TCEA2: variants seen among roughly 807,000 people sequenced by gnomAD.
TCEA2 encodes transcription elongation factor A2.
Under a neutral mutation model 40.8 loss-of-function variants are expected in TCEA2, and 21 were observed. That is an observed-to-expected ratio of 0.51 (90% CI 0.36 to 0.74). TCEA2 has a LOEUF of 0.74. TCEA2 is among the 30% of genes least tolerant of loss of function. The pLI, the probability that TCEA2 is intolerant of heterozygous loss-of-function variation, is 0.00. For synonymous variants in TCEA2, 165 were observed against 162.7 expected, an observed-to-expected ratio of 1.01 and a Z score of -0.11; for missense variants, 326 against 426.5, an observed-to-expected ratio of 0.76 and a Z score of 2.08.
chr20:64,062,028 CTAAGA>C (rs1206335337), upstream of TCEA2, among the ~76,000 whole-genome samples: 3 of 152,244 alleles, frequency 2.0e-5, no homozygotes, highest in African/African-American at 7.2e-5. Context: ...TATTGCCCGG[CTAAGA>C]TGAGTCTCTT....
chr20:64,056,007 AGGCTGGCG>A (rs1454360847), upstream of TCEA2, among the ~76,000 whole-genome samples: 1 of 152,026 alleles, frequency 6.6e-6, no homozygotes, highest in Non-Finnish European at 1.5e-5. Flanking sequence ...AGTGGCCGCC[AGGCTGGCG>A]GGCTGGCAGG....
chr20:64,065,315 C>T (rs540954500), intron 1 of TCEA2, among the ~76,000 whole-genome samples: 2 of 152,258 alleles, frequency 1.3e-5, no homozygotes, highest in East Asian at 3.9e-4. Context: ...ACTATGCCAC[C>T]CGGATTGCTG....
At position 64,070,028 on chromosome 20, in the gene TCEA2, G is replaced by C. The variant is rs527829065; in HGVS notation, c.517+207G>C. On this transcript the variant is annotated intron_variant, in intron 6 of 9. Coordinates refer to ENST00000343484, the MANE Select transcript of TCEA2 (RefSeq NM_003195.6). The stretch of plus-strand genomic sequence containing the variant: ...AGGGCTGATTCTGTCTGCTTGTGGG[G>C]CCTAGGTCCCCTGGGGCTGTAGCCT... 64 of 876,100 alleles carry C rather than the reference G, an allele frequency of 7.3e-5. No individual in the cohort carries two copies. The East Asian group carries it at 1.6e-3, about 21-fold the overall frequency. The allele number at this position is 876,100 out of a possible 1,614,324, so 54.3% of individuals were successfully genotyped here.
At chr20:64,059,147 C>T (rs373859400), upstream of TCEA2, among the ~76,000 whole-genome samples, 17 of 143,394 alleles carry the variant, frequency 1.2e-4, no homozygotes, top group South Asian at 2.2e-3. Flanking sequence ...GAGCCAAGAT[C>T]GTGCCACTGC....
At chr20:64,066,392 G>T in intron 1 of TCEA2, 84 bp from the exon 2 acceptor site, 1 of 1,509,890 alleles carries the variant, frequency 6.6e-7, no homozygotes, top group Non-Finnish European at 9.2e-7. Context: ...TCACTGCCTT[G>T]TGTTCTCCTC....
chr20:64,066,915 T>G lies in TCEA2; in HGVS notation c.136T>G (p.Ser46Ala). ...AMPITLHLLQSTRVGMSVNAL... is the reference protein window; with the variant it reads ...AMPITLHLLQATRVGMSVNAL... ...CCAACCCAGACCACTTGCCTCGTAG[T>G]CCACCCGAGTCGGGATGTCTGTCAA... The change falls in exon 3 of 10, where the codon TCC (serine) becomes GCC (alanine). Residue 46 changes from serine (S) to alanine (A), a missense_variant and splice_region_variant. Physicochemically the swap from Ser to Ala is moderately conservative, Grantham distance 99. Transcript: ENST00000343484. The G allele has an allele frequency of 6.2e-7, 1 of 1,613,776 alleles. No homozygotes were observed. Among genetic ancestry groups the G allele is most frequent in the Non-Finnish European group, 8.5e-7 (1 of 1,179,852 alleles).
rs761753174 is a variant in TCEA2 at position 64,066,496 on chromosome 20, G to A, written c.93G>A (p.Leu31=). The A allele has an allele frequency of 6.2e-7, 1 of 1,613,758 alleles. No homozygotes were observed. Among genetic ancestry groups the A allele is most frequent in the African/African-American group, 1.3e-5 (1 of 74,924 alleles). Residue 31 remains leucine (L), a synonymous_variant, in exon 2 of 10, where the codon CTG becomes CTA. Transcript: ENST00000343484. ...KKSAEGAMDL[L]RELKAMPITL... is the part of the protein sequence containing the mutation. ...TCCAGGAGGGAGCCATGGATTTGCT[G>A]CGGGAGCTGAAGGCCATGCCTATCA...
chr20:64,069,847 C>G, intron 6 of TCEA2, 26 bp downstream of exon 6: 1 of 1,610,968 alleles, frequency 6.2e-7, no homozygotes, highest in Admixed American at 1.7e-5. Flanking sequence ...GGGCTGTGGG[C>G]CTGGGTTTCT....
At position 64,069,412 on chromosome 20, in the gene TCEA2, A is replaced by G. The variant is rs746046023; in HGVS notation, c.381A>G (p.Thr127=). Residue 127 remains threonine, a synonymous_variant, in exon 5 of 10, where the codon ACA becomes ACG. Coordinates refer to ENST00000343484, the MANE Select transcript of TCEA2 (RefSeq NM_003195.6). ...PRAPSTPRIT[T]FPPVPVTCDA... ...CACCGTCGACTCCGAGGATCACCAC[A>G]TTTCCTCCGGTGCCTGTCACCTGTG... 12 of 1,612,438 alleles carry G rather than the reference A, an allele frequency of 7.4e-6. No homozygotes were observed. Among genetic ancestry groups the G allele is most frequent in the Non-Finnish European group, 9.3e-6 (11 of 1,179,600 alleles).
At position 64,071,957 on chromosome 20, in the gene TCEA2, C is replaced by T. The variant is rs2145522495; in HGVS notation, c.891+16C>T. 3.1e-6 allele frequency: 5 copies of T among 1,613,910 alleles called. No homozygotes were observed. Among genetic ancestry groups the T allele is most frequent in the Non-Finnish European group, 4.2e-6 (5 of 1,179,928 alleles). ...CCGCTGGAAGGTGGGTGAGCAGGCTCAGGCTGCCCCTCCCAGCTCCATTCT... is the reference window on the plus strand; with the variant it reads ...CCGCTGGAAGGTGGGTGAGCAGGCTTAGGCTGCCCCTCCCAGCTCCATTCT... On this transcript the variant is annotated intron_variant, in intron 9 of 9. Coordinates refer to ENST00000343484, the MANE Select transcript of TCEA2 (RefSeq NM_003195.6).
At chr20:64,067,066 GA>G in intron 3 of TCEA2, 46 bp downstream of exon 3, 1 of 1,556,152 alleles carries the variant, frequency 6.4e-7, no homozygotes, top group Non-Finnish European at 8.8e-7. Context: ...AGGGGTCCCA[GA>G]AGTGCTGCCT....
At position 64,066,816 on chromosome 20, in the gene TCEA2, C is replaced by A. The variant is rs531147417; in HGVS notation, c.136-99C>A. The A allele has an allele frequency of 4.9e-6, 6 of 1,231,808 alleles. No individual in the cohort carries two copies. The Admixed American group carries it at 1.0e-4, about 20-fold the overall frequency. 76.3% of individuals were successfully genotyped at this position (1,231,808 alleles called of 1,614,324 possible). A position where few individuals can be genotyped will look rare whatever the true frequency, so the allele number is the denominator to read the frequency against. ...AGGCCTCTACCTCCCTGGGAGGTCC[C>A]GGGCTCCTGTCCTGTGGGGGCCACC... On this transcript the variant is annotated intron_variant, in intron 2 of 9. Transcript: ENST00000343484.
At chr20:64,066,564 A>G in intron 2 of TCEA2, 26 bp downstream of exon 2, 1 of 1,609,212 alleles carries the variant, frequency 6.2e-7, no homozygotes, top group African/African-American at 1.3e-5. Flanking sequence ...CCCCAGGTCC[A>G]GGACAGCTCC....
At chr20:64,071,348 TAAA>T (rs1250251990) in intron 8 of TCEA2, among the ~76,000 whole-genome samples, 1 of 141,260 alleles carries the variant, frequency 7.1e-6, no homozygotes. Context: ...ACTCCGTCTT[TAAA>T]AAAAAAAAAA....
intron 4 of TCEA2, among the ~76,000 whole-genome samples, chr20:64,068,546 C>T (rs2059749664): frequency 6.6e-6 from 1 of 152,264 alleles, no homozygotes; most frequent in African/African-American, 2.4e-5. Context: ...AACTCCCCTC[C>T]TGCCCTGCAT....
In TCEA2 at chr20:64,069,446, C is replaced by A; in HGVS notation, c.415C>A (p.Arg139Ser). 6.2e-7 allele frequency: 1 copy of A among 1,613,442 alleles called. No individual in the cohort carries two copies. Among genetic ancestry groups the A allele is most frequent in the Non-Finnish European group, 8.5e-7 (1 of 1,179,956 alleles). The change falls in exon 5 of 10, where the codon CGC becomes AGC. Residue 139 changes from arginine to serine, a missense_variant. Coordinates refer to ENST00000343484, the MANE Select transcript of TCEA2 (RefSeq NM_003195.6). ...GGTGCCTGTCACCTGTGATGCCGTGCGCAACAAGTGCCGCGAGATGCTGAC... is the reference window on the plus strand; with the variant it reads ...GGTGCCTGTCACCTGTGATGCCGTGAGCAACAAGTGCCGCGAGATGCTGAC... ...PPVPVTCDAVRNKCREMLTAA... is the reference protein window; with the variant it reads ...PPVPVTCDAVSNKCREMLTAA...
chr20:64,058,520 GA>G (rs2059503904), upstream of TCEA2, among the ~76,000 whole-genome samples: 1 of 152,190 alleles, frequency 6.6e-6, no homozygotes. This position sits in a 1 kb window ranked among gnomAD's most constrained non-coding sequence, Gnocchi z 6.7. Flanking sequence ...CATGGAGGAG[GA>G]AACAGGGCCC....
At chr20:64,068,673 A>G (rs2059752831) in intron 4 of TCEA2, among the ~76,000 whole-genome samples, 1 of 152,202 alleles carries the variant, frequency 6.6e-6, no homozygotes, top group African/African-American at 2.4e-5. Flanking sequence ...CCTTGACCAC[A>G]CTGGGTTGTG....
At chr20:64,059,777 A>G (rs998387047), upstream of TCEA2, among the ~76,000 whole-genome samples, 9 of 152,116 alleles carry the variant, frequency 5.9e-5, no homozygotes, top group Non-Finnish European at 1.0e-4. Flanking sequence ...GATGAACCAG[A>G]TATTTAAAAG....
Sources: allele counts gnomAD v4.1 joint callset (sites outside exome capture counted in the v4.1 genomes callset), GRCh38; gene constraint gnomAD v4.1.1; non-coding constraint Gnocchi (gnomAD v3.1); transcripts MANE v1.5; gene names NCBI Gene and HGNC (gene_info 2026-07-23, HGNC 2026-07-21).